FAF1: variants seen among roughly 807,000 people sequenced by gnomAD.
FAF1 encodes FAS-associated factor 1.
Under a neutral mutation model 92.5 loss-of-function variants are expected in FAF1, and 25 were observed. That is an observed-to-expected ratio of 0.27 (90% CI 0.20 to 0.38). FAF1 has a LOEUF of 0.38. FAF1 is among the 10% of genes least tolerant of loss of function. FAF1 has a pLI of 1.00. For synonymous variants in FAF1, 234 were observed against 273.2 expected (o/e 0.86, Z 1.42); for missense variants, 636 against 793.3 (o/e 0.80, Z 2.38).
chr1:50,497,540 C>CTTTTTTT (rs61258960), intron 15 of FAF1, among the ~76,000 whole-genome samples: 3 of 100,506 alleles, frequency 3.0e-5, no homozygotes, highest in African/African-American at 7.2e-5. Context: ...ATTCAAAACT[C>CTTTTTTT]TTTTTTTTTT....
chr1:50,617,517 T>C (rs1652976037), intron 8 of FAF1, among the ~76,000 whole-genome samples: 1 of 152,102 alleles, frequency 6.6e-6, no homozygotes. Flanking sequence ...TGTGGCGAAT[T>C]AAGTTTTTGA....
At chr1:50,752,585 T>G (rs1242261234) in intron 4 of FAF1, among the ~76,000 whole-genome samples, 1 of 152,224 alleles carries the variant, frequency 6.6e-6, no homozygotes, top group Non-Finnish European at 1.5e-5. Context: ...TTTTGTTCAT[T>G]TTCTCTACTA....
chr1:50,776,634 G>T (rs1660972924), intron 4 of FAF1, among the ~76,000 whole-genome samples: 1 of 151,514 alleles, frequency 6.6e-6, no homozygotes, highest in African/African-American at 2.4e-5. Context: ...CAAGATGGCA[G>T]TTAAAATTTA....
At chr1:50,754,150 G>A (rs969167255) in intron 4 of FAF1, among the ~76,000 whole-genome samples, 2 of 151,986 alleles carry the variant, frequency 1.3e-5, no homozygotes, top group African/African-American at 4.8e-5. Context: ...ACATCTTTGC[G>A]TGCCTGGTAA....
At chr1:50,816,807 G>A (rs767348420) in intron 2 of FAF1, among the ~76,000 whole-genome samples, 1 of 152,180 alleles carries the variant, frequency 6.6e-6, no homozygotes, top group African/African-American at 2.4e-5. Context: ...GATTCTTATA[G>A]TTTGGGGTCT....
At chr1:50,497,304 GA>G (rs1646910455) in intron 15 of FAF1, among the ~76,000 whole-genome samples, 1 of 151,838 alleles carries the variant, frequency 6.6e-6, no homozygotes, top group Admixed American at 6.6e-5. Context: ...ATCAACCCCA[GA>G]ATTCTATACC....
chr1:50,460,846 T>A (rs1437246308), intron 18 of FAF1, among the ~76,000 whole-genome samples: 1 of 151,906 alleles, frequency 6.6e-6, no homozygotes, highest in East Asian at 1.9e-4. Flanking sequence ...AGAGAAAGGG[T>A]CTCACTATGT....
At chr1:50,745,902 G>T (rs1262015420) in intron 4 of FAF1, among the ~76,000 whole-genome samples, 1 of 152,084 alleles carries the variant, frequency 6.6e-6, no homozygotes, top group Non-Finnish European at 1.5e-5. Context: ...GAGCTCAGAA[G>T]ACAAGAAGAT....
At chr1:50,651,357 T>A (rs1441242488) in intron 8 of FAF1, among the ~76,000 whole-genome samples, 1 of 152,248 alleles carries the variant, frequency 6.6e-6, no homozygotes, top group Non-Finnish European at 1.5e-5. Context: ...AATTATTTTT[T>A]AAAACTTTAG....
At chr1:50,648,606 G>A (rs968883207) in intron 8 of FAF1, among the ~76,000 whole-genome samples, 9 of 152,096 alleles carry the variant, frequency 5.9e-5, no homozygotes, top group Admixed American at 6.5e-5. Flanking sequence ...AAGGCTGAAT[G>A]TGATTCATGT....
chr1:50,586,361 T>C, intron 9 of FAF1, among the ~76,000 whole-genome samples: 1 of 152,076 alleles, frequency 6.6e-6, no homozygotes, highest in East Asian at 1.9e-4. Flanking sequence ...ATGAAACACT[T>C]TTTAAAACTG....
intron 13 of FAF1, among the ~76,000 whole-genome samples, chr1:50,559,018 A>G (rs1477104413): frequency 6.6e-6 from 1 of 152,212 alleles, no homozygotes; most frequent in Non-Finnish European, 1.5e-5. Flanking sequence ...TGAGAGGCCA[A>G]TGCAGGTGGA....
At chr1:50,678,449 C>T (rs960204718) in intron 7 of FAF1, among the ~76,000 whole-genome samples, 11 of 152,078 alleles carry the variant, frequency 7.2e-5, no homozygotes, top group Admixed American at 6.6e-5. Flanking sequence ...TTTTCTTCTC[C>T]AGATCTTTCT....
chr1:50,708,412 A>C (rs1657780339), intron 6 of FAF1, among the ~76,000 whole-genome samples: 1 of 152,212 alleles, frequency 6.6e-6, no homozygotes, highest in South Asian at 2.1e-4. Flanking sequence ...AATTATATTT[A>C]ACAAGAAAAA....
At position 50,959,803 on chromosome 1, in the gene FAF1, G is replaced by A. The variant is rs762267546; in HGVS notation, c.9C>T (p.Ser3=). The part of the protein sequence containing the change: MA[S]NMDREMILAD... ...CCAGGATCATCTCCCGGTCCATGTT[G>A]GACGCCATGGCGGCCGCCGAGTTCC... The change falls in exon 1 of 19, where the codon TCC becomes TCT. Residue 3 remains serine, a synonymous_variant. Transcript: ENST00000396153. 2 of 1,582,422 alleles carry A rather than the reference G, an allele frequency of 1.3e-6. No individual in the cohort carries two copies. The highest frequency in any genetic ancestry group is 1.1e-5 in the South Asian group (1 of 88,286).
chr1:50,663,506 G>A (rs1267402946), intron 7 of FAF1, among the ~76,000 whole-genome samples: 8 of 149,306 alleles, frequency 5.4e-5, no homozygotes, highest in Admixed American at 4.7e-4. Flanking sequence ...AGGTTCAAGC[G>A]ATTCTTCTGC....
chr1:50,771,447 A>T (rs1339072091), intron 4 of FAF1, among the ~76,000 whole-genome samples: 2 of 152,208 alleles, frequency 1.3e-5, no homozygotes, highest in Non-Finnish European at 2.9e-5. Flanking sequence ...CCCATTAAAA[A>T]GTAGGCAAAG....
At chr1:50,558,226 TTTATCTTATTTTTA>T (rs1461285618) in intron 13 of FAF1, among the ~76,000 whole-genome samples, 1 of 114,056 alleles carries the variant, frequency 8.8e-6, no homozygotes, top group Non-Finnish European at 1.7e-5. Context: ...GAATAAGATA[TTTATCTTATTTTTA>T]GAATAAGATA....
At chr1:50,635,933 T>C (rs1039359317) in intron 8 of FAF1, among the ~76,000 whole-genome samples, 1 of 152,198 alleles carries the variant, frequency 6.6e-6, no homozygotes, top group African/African-American at 2.4e-5. Context: ...AATAAAGGCA[T>C]ATGGTTTGGC....
Sources: allele counts gnomAD v4.1 joint callset (sites outside exome capture counted in the v4.1 genomes callset), GRCh38; gene constraint gnomAD v4.1.1; transcripts MANE v1.5; gene names NCBI Gene and HGNC (gene_info 2026-07-23, HGNC 2026-07-21).